The following SPPL3 variants were observed in gnomAD, a reference collection of about 807,000 sequenced individuals.
SPPL3 encodes the protein signal peptide peptidase-like 3.
SPPL3 carries 5 observed loss-of-function variants against 42.4 expected under a neutral mutation model. The ratio of observed to expected loss-of-function variants is 0.12; its 90% confidence interval spans 0.06 to 0.25. The LOEUF (loss-of-function observed/expected upper bound fraction) is 0.25, where lower values mean the gene tolerates loss of function less well. SPPL3 is among the 10% of genes least tolerant of loss of function. The pLI is 1.00. For synonymous variants in SPPL3, 195 were observed against 181.8 expected, an observed-to-expected ratio of 1.07 and a Z score of -0.58; for missense variants, 235 against 489.0, an observed-to-expected ratio of 0.48 and a Z score of 4.90.
intron 6 of SPPL3, 82 bp from the exon 7 acceptor site, chr12:120,769,141 C>T: frequency 9.0e-7 from 1 of 1,106,860 alleles, no homozygotes; most frequent in African/African-American, 1.6e-5. Context: ...TGGCCCTTCA[C>T]AGAGTTTGCA....
At chr12:120,796,953 C>T (rs1046660682) in intron 2 of SPPL3, among the ~76,000 whole-genome samples, 21 of 152,084 alleles carry the variant, frequency 1.4e-4, no homozygotes, top group African/African-American at 4.1e-4. Context: ...GGGCGAATCA[C>T]GAGGTCAGGA....
chr12:120,874,452 C>CA (rs71076673), intron 1 of SPPL3, among the ~76,000 whole-genome samples: 21,959 of 97,186 alleles, frequency 0.23, 2,777 homozygotes, highest in Non-Finnish European at 0.31. Context: ...GACCCTGTCG[C>CA]AAAAAAAAAA....
chr12:120,893,801 A>T (rs1196171438), intron 1 of SPPL3, among the ~76,000 whole-genome samples: 2 of 151,892 alleles, frequency 1.3e-5, no homozygotes, highest in Non-Finnish European at 2.9e-5. Flanking sequence ...ACATTTCTTA[A>T]TTGTGAGTTT....
At chr12:120,820,871 T>C (rs549044249) in intron 1 of SPPL3, among the ~76,000 whole-genome samples, 10 of 152,308 alleles carry the variant, frequency 6.6e-5, no homozygotes, top group South Asian at 2.1e-4. Context: ...GGCAGGAGGA[T>C]TGCTTGAGCC....
intron 2 of SPPL3, among the ~76,000 whole-genome samples, chr12:120,808,086 C>CTTTTTTTTTTTTTT (rs63135760): frequency 7.5e-6 from 1 of 132,804 alleles, no homozygotes; most frequent in Non-Finnish European, 1.6e-5. Flanking sequence ...AGTTTCTTTT[C>CTTTTTTTTTTTTTT]TTTTTTTTTT....
intron 1 of SPPL3, among the ~76,000 whole-genome samples, chr12:120,890,485 A>C (rs2137065248): frequency 6.7e-6 from 1 of 149,474 alleles, no homozygotes; most frequent in East Asian, 2.0e-4. Context: ...GCTACTCGGG[A>C]GGCTGAGGCA....
intron 1 of SPPL3, among the ~76,000 whole-genome samples, chr12:120,862,054 A>G (rs1203737616): frequency 6.6e-6 from 1 of 152,226 alleles, no homozygotes; most frequent in Non-Finnish European, 1.5e-5. Context: ...CAGTGTCCAG[A>G]GAAGTAGTTT....
intron 1 of SPPL3, among the ~76,000 whole-genome samples, chr12:120,836,587 C>A (rs1032285394): frequency 6.6e-6 from 1 of 152,134 alleles, no homozygotes; most frequent in Non-Finnish European, 1.5e-5. Context: ...TCTGAAGAAT[C>A]ATGAGCAAAT....
At chr12:120,859,082 A>G (rs868419184) in intron 1 of SPPL3, among the ~76,000 whole-genome samples, 1 of 150,422 alleles carries the variant, frequency 6.6e-6, no homozygotes, top group East Asian at 1.9e-4. Context: ...GTAACTTTTA[A>G]TTTTTTTTCT....
chr12:120,806,423 G>C (rs1397500271), intron 2 of SPPL3, among the ~76,000 whole-genome samples: 1 of 151,864 alleles, frequency 6.6e-6, no homozygotes, highest in Non-Finnish European at 1.5e-5. Context: ...TTCATCAAAT[G>C]GTACTGGGAC....
At chr12:120,862,446 G>C (rs1009101925) in intron 1 of SPPL3, among the ~76,000 whole-genome samples, 5 of 152,126 alleles carry the variant, frequency 3.3e-5, no homozygotes, top group African/African-American at 1.2e-4. Context: ...CCGTACTTCT[G>C]ACTCATCAGC....
chr12:120,893,548 CT>C (rs1360421513), intron 1 of SPPL3, among the ~76,000 whole-genome samples: 1 of 152,080 alleles, frequency 6.6e-6, no homozygotes, highest in Admixed American at 6.6e-5. Context: ...CAGAAGATGC[CT>C]TTATTTCTTT....
At chr12:120,820,306 ATTTTT>A (rs11374486) in intron 1 of SPPL3, among the ~76,000 whole-genome samples, 5 of 101,000 alleles carry the variant, frequency 5.0e-5, no homozygotes, top group Non-Finnish European at 7.5e-5. Flanking sequence ...CTTTCTCTAA[ATTTTT>A]TTTTTTTTTT....
At chr12:120,786,907 C>T (rs560663544) in intron 3 of SPPL3, among the ~76,000 whole-genome samples, 2 of 152,266 alleles carry the variant, frequency 1.3e-5, no homozygotes, top group African/African-American at 4.8e-5. Flanking sequence ...ATTAGGAGGA[C>T]ATATGCAAGT....
chr12:120,808,135 T>A (rs1870567489), intron 2 of SPPL3, among the ~76,000 whole-genome samples: 1 of 151,442 alleles, frequency 6.6e-6, no homozygotes, highest in South Asian at 2.1e-4. Context: ...GGTCTCACTC[T>A]GATACCCAGG....
intron 1 of SPPL3, among the ~76,000 whole-genome samples, chr12:120,852,274 A>C (rs1359971686): frequency 6.7e-6 from 1 of 150,120 alleles, no homozygotes; most frequent in Non-Finnish European, 1.5e-5. Context: ...TTACATGCCA[A>C]TTTGACATTT....
chr12:120,829,994 C>CA (rs35847324), intron 1 of SPPL3, among the ~76,000 whole-genome samples: 5,042 of 119,496 alleles, frequency 0.042, 108 homozygotes, highest in Middle Eastern at 0.066. Context: ...AACTCCATCT[C>CA]AAAAAAAAAA....
At chr12:120,776,418 T>G (rs1437457464) in intron 6 of SPPL3, among the ~76,000 whole-genome samples, 1 of 152,130 alleles carries the variant, frequency 6.6e-6, no homozygotes, top group Non-Finnish European at 1.5e-5. Flanking sequence ...CTTTAGTATG[T>G]CTTACAGAGA....
At chr12:120,890,340 A>C (rs1245686419) in intron 1 of SPPL3, among the ~76,000 whole-genome samples, 1 of 152,182 alleles carries the variant, frequency 6.6e-6, no homozygotes, top group African/African-American at 2.4e-5. Flanking sequence ...CTGTAATCCC[A>C]GCACTTTGGG....
Sources: gnomAD v4.1 joint callset for allele counts (sites outside exome capture counted in the v4.1 genomes callset) on GRCh38, gnomAD v4.1.1 for gene constraint, MANE v1.5 for transcripts, NCBI Gene and HGNC (gene_info 2026-07-23, HGNC 2026-07-21) for gene names.